Variants in EYS observed in about 807,000 individuals in gnomAD.
The protein encoded by EYS is EGF-like photoreceptor maintenance factor.
In EYS, 250 loss-of-function variants were observed where a neutral mutation model predicts 282.1. The ratio of observed to expected loss-of-function variants is 0.89; its 90% CI spans 0.80 to 0.98. The LOEUF (loss-of-function observed/expected upper bound fraction) is 0.98. Ranked by LOEUF, EYS falls within the 50% of genes least tolerant of loss-of-function variation. The pLI, the probability that EYS is intolerant of heterozygous loss-of-function variation, is 0.00. For synonymous variants in EYS, 1,355 were observed against 1,282.9 expected (o/e 1.06, Z -1.20); for missense variants, 4,016 against 3,709.0 (o/e 1.08, Z -2.15).
chr6:64,561,590 A>G (rs1562062719), intron 26 of EYS, among the ~76,000 whole-genome samples: 2 of 152,100 alleles, frequency 1.3e-5, no homozygotes, highest in Non-Finnish European at 2.9e-5. Context: ...CACAAAAGGA[A>G]TAAAATACCT....
chr6:64,415,565 A>G (rs1342819029), intron 28 of EYS, among the ~76,000 whole-genome samples: 1 of 152,150 alleles, frequency 6.6e-6, no homozygotes, highest in Non-Finnish European at 1.5e-5. Context: ...GTTATGAATG[A>G]GTCTGAGGCC....
chr6:64,126,796 C>T (rs1461459684), intron 31 of EYS, among the ~76,000 whole-genome samples: 5 of 151,562 alleles, frequency 3.3e-5, no homozygotes, highest in Admixed American at 3.3e-4. Context: ...TATATATTTA[C>T]ATATATTTAA....
intron 28 of EYS, among the ~76,000 whole-genome samples, chr6:64,434,960 G>T (rs1261946840): frequency 6.6e-6 from 1 of 151,798 alleles, no homozygotes; most frequent in East Asian, 1.9e-4. Flanking sequence ...TTCATGATTT[G>T]ATTCTTACTG....
chr6:64,204,943 C>G (rs1257680484), intron 31 of EYS, among the ~76,000 whole-genome samples: 1 of 151,982 alleles, frequency 6.6e-6, no homozygotes, highest in Non-Finnish European at 1.5e-5. Context: ...TGAAATGTAT[C>G]AAAAAATGCA....
intron 1 of EYS, among the ~76,000 whole-genome samples, chr6:65,653,263 C>A (rs188223148): frequency 1.3e-5 from 2 of 151,920 alleles, no homozygotes; most frequent in Non-Finnish European, 2.9e-5. Flanking sequence ...TCCTGTTACA[C>A]AGAGCACAGC....
intron 1 of EYS, among the ~76,000 whole-genome samples, chr6:65,697,055 G>A (rs1042262315): frequency 1.3e-5 from 2 of 151,886 alleles, no homozygotes; most frequent in African/African-American, 4.8e-5. Context: ...TATATTCTGA[G>A]GCATGTATAT....
intron 35 of EYS, among the ~76,000 whole-genome samples, chr6:63,876,082 C>A (rs1017515686): frequency 6.6e-6 from 1 of 152,192 alleles, no homozygotes; most frequent in African/African-American, 2.4e-5. Context: ...AATTTTAGAT[C>A]TTTCCTGCTT....
intron 26 of EYS, among the ~76,000 whole-genome samples, chr6:64,478,626 G>C (rs544345909): frequency 6.6e-6 from 1 of 150,792 alleles, no homozygotes; most frequent in African/African-American, 2.4e-5. Flanking sequence ...AGTCTACACT[G>C]TGTCAGATAA....
At chr6:65,323,700 C>T (rs1223891729) in intron 11 of EYS, among the ~76,000 whole-genome samples, 5 of 125,732 alleles carry the variant, frequency 4.0e-5, no homozygotes, top group Admixed American at 3.3e-4. Flanking sequence ...GCCATTGACA[C>T]CTTTGTCACC....
At chr6:64,937,031 T>C (rs1269312999) in intron 15 of EYS, among the ~76,000 whole-genome samples, 1 of 151,454 alleles carries the variant, frequency 6.6e-6, no homozygotes, top group East Asian at 1.9e-4. Flanking sequence ...GTTACCAAGA[T>C]AATTTAATAT....
chr6:64,145,725 A>G (rs1774494311), intron 31 of EYS, among the ~76,000 whole-genome samples: 1 of 152,206 alleles, frequency 6.6e-6, no homozygotes, highest in Non-Finnish European at 1.5e-5. Flanking sequence ...TAAAAGGTTT[A>G]CTGTATGACT....
At position 65,694,751 on chromosome 6, in the gene EYS, A is replaced by C. The variant is rs1031923494; in HGVS notation, c.-448+12384T>G. On this transcript the variant is annotated intron_variant, in intron 1 of 42. Transcript: ENST00000503581. ...TGGCTTGTTGTAGATTTAAAAAAAA[A>C]AAAAAAACTTTGTAAAACCCTTAGC... Among the ~76,000 whole-genome samples, 9 of 150,160 alleles carry C rather than the reference A, an allele frequency of 6.0e-5. 1 individual carries two copies. The highest frequency in any genetic ancestry group is 2.2e-4 in the African/African-American group (9 of 41,330).
At chr6:64,239,251 T>C (rs987880538) in intron 30 of EYS, among the ~76,000 whole-genome samples, 2 of 152,202 alleles carry the variant, frequency 1.3e-5, no homozygotes, top group Non-Finnish European at 2.9e-5. Context: ...TGATTTATAA[T>C]ACTTTGGGTA....
intron 20 of EYS, 43 bp from the exon 21 acceptor site, chr6:64,821,766 T>A: frequency 8.6e-7 from 1 of 1,161,504 alleles, no homozygotes. Flanking sequence ...TAAGTAGATG[T>A]TAAAGCATAA....
intron 26 of EYS, among the ~76,000 whole-genome samples, chr6:64,509,632 G>A (rs920039037): frequency 2.0e-5 from 3 of 152,026 alleles, no homozygotes; most frequent in East Asian, 3.9e-4. Context: ...TTTGGTGTGC[G>A]GTAATTTCCC....
chr6:63,954,803 G>C (rs562775207), intron 35 of EYS, among the ~76,000 whole-genome samples: 154 of 151,800 alleles, frequency 1.0e-3, no homozygotes, highest in African/African-American at 3.7e-3. Context: ...CACCTCACAG[G>C]CCTATTCTAT....
intron 12 of EYS, among the ~76,000 whole-genome samples, chr6:65,146,225 T>A (rs933167808): frequency 2.0e-5 from 3 of 150,838 alleles, no homozygotes; most frequent in Non-Finnish European, 4.4e-5. Flanking sequence ...ACGTTTAGCT[T>A]ATTTGTAAGA....
intron 28 of EYS, among the ~76,000 whole-genome samples, chr6:64,420,640 T>G (rs908005540): frequency 1.3e-5 from 2 of 152,164 alleles, no homozygotes; most frequent in African/African-American, 4.8e-5. Flanking sequence ...TTTCAAACTT[T>G]TATGCCCTGC....
intron 18 of EYS, among the ~76,000 whole-genome samples, chr6:64,895,628 T>C (rs557824463): frequency 1.4e-4 from 22 of 151,964 alleles, no homozygotes; most frequent in Non-Finnish European, 2.9e-4. Context: ...AGAACAGCAA[T>C]AGAGAAATAG....
Sources: gnomAD v4.1 joint callset for allele counts (sites outside exome capture counted in the v4.1 genomes callset) on GRCh38, gnomAD v4.1.1 for gene constraint, MANE v1.5 for transcripts, NCBI Gene and HGNC (gene_info 2026-07-23, HGNC 2026-07-21) for gene names.